The following SDCCAG8 variants were observed in gnomAD, a reference collection of about 807,000 sequenced individuals.
The protein encoded by SDCCAG8 is SHH signaling and ciliogenesis regulator SDCCAG8, also known as serologically defined colon cancer antigen 8.
SDCCAG8 carries 74 observed loss-of-function variants against 101.8 expected under a neutral mutation model. The observed-to-expected ratio is 0.73, with a 90% confidence interval of 0.60 to 0.88. The LOEUF (loss-of-function observed/expected upper bound fraction) is 0.88, where lower values mean the gene tolerates loss of function less well. Ranked by LOEUF, SDCCAG8 falls within the 40% of genes least tolerant of loss-of-function variation. The pLI, the probability that SDCCAG8 is intolerant of heterozygous loss-of-function variation, is 0.00. For missense variants in SDCCAG8, 787 were observed against 822.6 expected (o/e 0.96, Z 0.53); for synonymous variants, 281 against 292.9 (o/e 0.96, Z 0.41).
Position 243,404,149 on chromosome 1 carries a change from T to A in SDCCAG8, c.1617-11553T>A, listed in dbSNP as rs116764684. On this transcript the variant is annotated intron_variant, in intron 13 of 17. Coordinates refer to ENST00000366541, the MANE Select transcript of SDCCAG8 (RefSeq NM_006642.5). ...ATAAAGGCTGAAAGTATCCTATTGTTTTTAGGGGTATTTTAGGATTTCAGT... is the reference window on the plus strand; with the variant it reads ...ATAAAGGCTGAAAGTATCCTATTGTATTTAGGGGTATTTTAGGATTTCAGT... 6.5e-3 allele frequency among the ~76,000 whole-genome samples: 984 copies of A among 152,328 alleles called. 12 individuals carry two copies. The highest frequency in any genetic ancestry group is 0.022 in the African/African-American group (904 of 41,564).
intron 16 of SDCCAG8, among the ~76,000 whole-genome samples, chr1:243,468,849 G>C (rs879397096): frequency 6.6e-6 from 1 of 152,172 alleles, no homozygotes; most frequent in African/African-American, 2.4e-5. Context: ...CTACATAACA[G>C]AGCTGGGTTT....
chr1:243,339,541 A>G (rs1201353422), intron 10 of SDCCAG8, among the ~76,000 whole-genome samples: 2 of 152,214 alleles, frequency 1.3e-5, no homozygotes, highest in African/African-American at 4.8e-5. Flanking sequence ...AGCTAATTGT[A>G]TGTGAAAATT....
intron 12 of SDCCAG8, among the ~76,000 whole-genome samples, chr1:243,368,226 A>G (rs1434815225): frequency 6.6e-6 from 1 of 151,062 alleles, no homozygotes; most frequent in Admixed American, 6.6e-5. Flanking sequence ...AAAAAAAAAG[A>G]AGAAGAAGAG....
At chr1:243,403,115 C>A (rs548984274) in intron 13 of SDCCAG8, among the ~76,000 whole-genome samples, 35 of 152,284 alleles carry the variant, frequency 2.3e-4, no homozygotes, top group African/African-American at 8.4e-4. Context: ...CTGGGCTGGA[C>A]GTTGCCGGTT....
Position 243,498,803 on chromosome 1 carries a change from G to A in SDCCAG8, c.2113-953G>A, listed in dbSNP as rs2148326188. ...GGAAAATCCTCACTGGAGAGGGGCA[G>A]GCCCACTTCTCTTTTTGGAAGATGG... On this transcript the variant is annotated intron_variant, in intron 17 of 17. Coordinates refer to ENST00000366541, the MANE Select transcript of SDCCAG8 (RefSeq NM_006642.5). Among the ~76,000 whole-genome samples, 2 of 152,338 alleles carry A rather than the reference G, an allele frequency of 1.3e-5. 1 individual carries two copies. Among genetic ancestry groups the A allele is most frequent in the Middle Eastern group, 6.8e-3 (2 of 294 alleles).
At chr1:243,414,460 A>G (rs1483267947) in intron 13 of SDCCAG8, among the ~76,000 whole-genome samples, 1 of 152,176 alleles carries the variant, frequency 6.6e-6, no homozygotes, top group African/African-American at 2.4e-5. Flanking sequence ...AGTACCAGAC[A>G]GGACCTTATT....
At chr1:243,499,607 C>A in intron 17 of SDCCAG8, 149 bp from the exon 18 acceptor site, 1 of 713,768 alleles carries the variant, frequency 1.4e-6, no homozygotes, top group Non-Finnish European at 2.5e-6. Context: ...GAGGCACAAA[C>A]TTTTCATATA....
At chr1:243,261,496 C>T (rs897089215) in intron 1 of SDCCAG8, among the ~76,000 whole-genome samples, 2 of 152,196 alleles carry the variant, frequency 1.3e-5, no homozygotes, top group Non-Finnish European at 2.9e-5. Context: ...ATAAGGTTGA[C>T]TTTCTATGTT....
intron 10 of SDCCAG8, among the ~76,000 whole-genome samples, chr1:243,335,193 G>C (rs2074913088): frequency 6.6e-6 from 1 of 152,220 alleles, no homozygotes; most frequent in Non-Finnish European, 1.5e-5. Flanking sequence ...TTGTCTGCAA[G>C]AGATCATGGA....
intron 10 of SDCCAG8, among the ~76,000 whole-genome samples, chr1:243,332,561 T>G (rs2074686266): frequency 6.6e-6 from 1 of 152,030 alleles, no homozygotes; most frequent in Non-Finnish European, 1.5e-5. Flanking sequence ...GGTCCCGGTC[T>G]GGAGGTGATT....
At chr1:243,386,760 A>G (rs2078322382) in intron 13 of SDCCAG8, among the ~76,000 whole-genome samples, 1 of 146,432 alleles carries the variant, frequency 6.8e-6, no homozygotes, top group African/African-American at 2.6e-5. Context: ...CTCAAAAAAG[A>G]AAGAAAGTGA....
intron 17 of SDCCAG8, among the ~76,000 whole-genome samples, chr1:243,489,418 G>A (rs1276623583): frequency 1.3e-5 from 2 of 152,228 alleles, no homozygotes; most frequent in African/African-American, 4.8e-5. Context: ...TGCAGGCTGC[G>A]GAGGGTGCGA....
chr1:243,435,828 T>C (rs2082091597), intron 16 of SDCCAG8, among the ~76,000 whole-genome samples: 1 of 151,992 alleles, frequency 6.6e-6, no homozygotes, highest in Non-Finnish European at 1.5e-5. Flanking sequence ...ATCTATCTAG[T>C]TGCTTCTTTA....
At chr1:243,475,396 G>A (rs1420045696) in intron 16 of SDCCAG8, among the ~76,000 whole-genome samples, 2 of 152,150 alleles carry the variant, frequency 1.3e-5, no homozygotes, top group Non-Finnish European at 2.9e-5. Context: ...GAGGGGTGAG[G>A]GGCCACTGTG....
chr1:243,316,833 T>G lies in SDCCAG8; in HGVS notation c.1008T>G (p.Ala336=). ...ATACGCAGCAAAGAGAAGCAAGTGC[T>G]TATGAACAGGTGAAACAAGTTTTGC... The part of the protein sequence containing the change: ...LADTQQREAS[A]YEQVKQVLQI... The change falls in exon 9 of 18, where the codon GCT becomes GCG. Residue 336 remains alanine, a synonymous_variant. Transcript: ENST00000366541. 1 of 1,614,230 alleles carries G rather than the reference T, an allele frequency of 6.2e-7. No homozygotes were observed. Among genetic ancestry groups the G allele is most frequent in the Non-Finnish European group, 8.5e-7 (1 of 1,180,038 alleles).
intron 13 of SDCCAG8, among the ~76,000 whole-genome samples, chr1:243,385,211 G>A (rs1333842654): frequency 3.9e-5 from 6 of 151,904 alleles, no homozygotes; most frequent in South Asian, 2.1e-4. Context: ...GCAACGTGGC[G>A]AAACCCCATC....
intron 6 of SDCCAG8, chr1:243,293,544 C>T (rs1200663468): frequency 2.1e-6 from 1 of 484,684 alleles, no homozygotes; most frequent in Non-Finnish European, 4.0e-6. Flanking sequence ...TGGAATTAAA[C>T]AATACTTGTC....
intron 17 of SDCCAG8, among the ~76,000 whole-genome samples, chr1:243,489,651 G>A (rs778837390): frequency 7.2e-5 from 11 of 152,204 alleles, no homozygotes; most frequent in Non-Finnish European, 1.6e-4. Flanking sequence ...ACCCGGCAGT[G>A]TTACACACAG....
At chr1:243,410,742 T>C (rs1490871041) in intron 13 of SDCCAG8, among the ~76,000 whole-genome samples, 1 of 152,212 alleles carries the variant, frequency 6.6e-6, no homozygotes, top group Non-Finnish European at 1.5e-5. Flanking sequence ...CTCTGTGACA[T>C]GAACATTTTT....
Sources: gnomAD v4.1 joint callset for allele counts (sites outside exome capture counted in the v4.1 genomes callset) on GRCh38, gnomAD v4.1.1 for gene constraint, MANE v1.5 for transcripts, NCBI Gene and HGNC (gene_info 2026-07-23, HGNC 2026-07-21) for gene names.